RAC3: variants seen among roughly 807,000 people sequenced by gnomAD.
RAC3 encodes the protein Rac family small GTPase 3.
In RAC3, 9 loss-of-function variants were observed where a neutral mutation model predicts 19.0. The ratio of observed to expected loss-of-function variants is 0.47; its 90% CI spans 0.29 to 0.83. The LOEUF (loss-of-function observed/expected upper bound fraction) is 0.83, where lower values mean the gene tolerates loss of function less well. Among genes scored for constraint, RAC3 ranks in the 40% least tolerant of loss-of-function variants. The pLI is 0.09. For missense variants in RAC3, 203 were observed against 260.8 expected (o/e 0.78, Z 1.53); for synonymous variants, 146 against 111.8 (o/e 1.31, Z -1.93).
chr17:82,032,738 G>A lies in RAC3; in HGVS notation c.135G>A (p.Met45Ile), dbSNP rs751918718. The change falls in exon 3 of 6, where the codon ATG becomes ATA. Residue 45 changes from methionine (M) to isoleucine (I), a missense_variant. By Grantham distance (10) the Met-to-Ile change is conservative. Transcript: ENST00000306897. ...TTGACAACTACTCTGCCAACGTGAT[G>A]GTGGACGGGAAACCAGTCAACTTGG... ...TVFDNYSANV[M>I]VDGKPVNLGL... 6.2e-7 allele frequency: 1 copy of A among 1,612,992 alleles called. No individual in the cohort carries two copies. The highest frequency in any genetic ancestry group is 1.3e-5 in the African/African-American group (1 of 74,942).
rs1020588738 is a variant in RAC3 at position 82,033,045 on chromosome 17, C to T, written c.288+36C>T. 1 of 1,583,780 alleles carries T rather than the reference C, an allele frequency of 6.3e-7. No homozygotes were observed. The highest frequency in any genetic ancestry group is 8.7e-7 in the Non-Finnish European group (1 of 1,154,512). On this transcript the variant is annotated intron_variant, in intron 4 of 5. Coordinates refer to ENST00000306897, the MANE Select transcript of RAC3 (RefSeq NM_005052.3). This position sits in a 1 kb window ranked among gnomAD's most constrained non-coding sequence, Gnocchi z 6.2. ...GCTGGGGGCCCCTGTGGGGAGAGGG[C>T]TTGCCCCAGTACCTGCCCCGACAAG...
Position 82,033,047 on chromosome 17 carries a change from TG to T in RAC3, c.288+39del. On this transcript the variant is annotated intron_variant, in intron 4 of 5. Coordinates refer to ENST00000306897, the MANE Select transcript of RAC3 (RefSeq NM_005052.3). The surrounding 1 kb of genome is among the most constrained non-coding windows in gnomAD (Gnocchi z 6.2). ...TGGGGGCCCCTGTGGGGAGAGGGCT[TG>T]CCCCAGTACCTGCCCCGACAAGTTG... 6.3e-7 allele frequency: 1 copy of T among 1,578,568 alleles called. No individual in the cohort carries two copies. Among genetic ancestry groups the T allele is most frequent in the Non-Finnish European group, 8.7e-7 (1 of 1,149,830 alleles).
At chr17:82,032,116 A>T in intron 1 of RAC3, 1 of 513,218 alleles carries the variant, frequency 1.9e-6, no homozygotes, top group East Asian at 3.4e-5. Context: ...AGCCGGCCCC[A>T]CCCTCTCCTG....
intron 2 of RAC3, 92 bp from the exon 3 acceptor site, chr17:82,032,619 T>C: frequency 2.7e-6 from 4 of 1,454,752 alleles, no homozygotes; most frequent in Non-Finnish European, 3.8e-6. Context: ...TCTAGTTCTG[T>C]GCAGACTTGT....
In RAC3 at chr17:82,033,289, C is replaced by G. The variant is rs550894137; in HGVS notation, c.289-151C>G. 5.8e-4 allele frequency: 589 copies of G among 1,017,026 alleles called. No homozygotes were observed. The highest frequency in any genetic ancestry group is 1.8e-3 in the South Asian group (107 of 58,820). The allele number at this position is 1,017,026 out of a possible 1,614,324, so 63.0% of individuals were successfully genotyped here. On this transcript the variant is annotated intron_variant, in intron 4 of 5. Transcript: ENST00000306897. This position sits in a 1 kb window ranked among gnomAD's most constrained non-coding sequence, Gnocchi z 6.2. ...CTGCGTGTTTGTTCCTGGTATCTCC[C>G]CACCAAATCCGCCCCTGGTCACCCC...
Position 82,033,944 on chromosome 17 carries a change from C to CG in RAC3, c.*121dup. 1 of 808,624 alleles carries CG rather than the reference C, an allele frequency of 1.2e-6. No individual in the cohort carries two copies. Among genetic ancestry groups the CG allele is most frequent in the East Asian group, 4.2e-5 (1 of 23,652 alleles). The allele number at this position is 808,624 out of a possible 1,614,324, so 50.1% of individuals were successfully genotyped here. A position where few individuals can be genotyped will look rare whatever the true frequency, so the allele number is the denominator to read the frequency against. On this transcript the variant is annotated 3_prime_UTR_variant, in exon 6 of 6. Coordinates refer to ENST00000306897, the MANE Select transcript of RAC3 (RefSeq NM_005052.3). The surrounding 1 kb of genome is among the most constrained non-coding windows in gnomAD (Gnocchi z 6.2). ...GCTGTGGGGAGCGGTGGGGGTGGGCCGGGGGGAAGCATGGGGATGAGGCTG... is the reference window on the plus strand; with the variant it reads ...GCTGTGGGGAGCGGTGGGGGTGGGCCGGGGGGGAAGCATGGGGATGAGGCTG...
At chr17:82,031,839 A>C in intron 1 of RAC3, 43 bp downstream of exon 1, 5 of 105,680 alleles carry the variant, frequency 4.7e-5, no homozygotes, top group Non-Finnish European at 8.7e-5. Flanking sequence ...GCTGGGCGGG[A>C]GGGGGGCTCG....
intron 1 of RAC3, 46 bp downstream of exon 1, chr17:82,031,842 G>A: frequency 1.1e-6 from 1 of 890,500 alleles, no homozygotes; most frequent in Non-Finnish European, 1.3e-6. Flanking sequence ...GGGCGGGAGG[G>A]GGGCTCGGGG....
chr17:82,031,737 GCC>G lies in RAC3; in HGVS notation c.-23_-22del. On this transcript the variant is annotated 5_prime_UTR_variant, in exon 1 of 6. Transcript: ENST00000306897. ...TCTCCGCAGCTCGGCTCGCGGCCGCGCCCGCCGCCGCCCGGCCCGCGCCCATG... is the reference window on the plus strand; with the variant it reads ...TCTCCGCAGCTCGGCTCGCGGCCGCGCGCCGCCGCCCGGCCCGCGCCCATG... The G allele has an allele frequency of 1.0e-6, 1 of 988,814 alleles. No homozygotes were observed. Among genetic ancestry groups the G allele is most frequent in the Non-Finnish European group, 1.2e-6 (1 of 834,246 alleles). 61.3% of individuals were successfully genotyped at this position (988,814 alleles called of 1,614,324 possible).
At chr17:82,032,314 A>C in intron 1 of RAC3, 73 bp from the exon 2 acceptor site, 1 of 1,476,260 alleles carries the variant, frequency 6.8e-7, no homozygotes, top group Non-Finnish European at 9.4e-7. Context: ...TGGCTCCGGG[A>C]GAGGGGGCTG....
In RAC3 at chr17:82,033,126, G is replaced by A; in HGVS notation, c.288+117G>A. ...TCTGCCTGGGGTAGGCACACGGAGT[G>A]GGGTCTGAAGATGACCATGGGGGCT... On this transcript the variant is annotated intron_variant, in intron 4 of 5. Coordinates refer to ENST00000306897, the MANE Select transcript of RAC3 (RefSeq NM_005052.3). This position sits in a 1 kb window ranked among gnomAD's most constrained non-coding sequence, Gnocchi z 6.2. 2.5e-6 allele frequency: 3 copies of A among 1,181,344 alleles called. No individual in the cohort carries two copies. Among genetic ancestry groups the A allele is most frequent in the Non-Finnish European group, 3.7e-6 (3 of 813,362 alleles). 73.2% of individuals were successfully genotyped at this position (1,181,344 alleles called of 1,614,324 possible). A position where few individuals can be genotyped will look rare whatever the true frequency, so the allele number is the denominator to read the frequency against.
chr17:82,033,416 G>C lies in RAC3; in HGVS notation c.289-24G>C, dbSNP rs752720810. On this transcript the variant is annotated intron_variant, in intron 4 of 5. Transcript: ENST00000306897. This position sits in a 1 kb window ranked among gnomAD's most constrained non-coding sequence, Gnocchi z 6.2. Reference sequence around the variant, plus strand: ...CTGGGGTAGCCGACTCCGGGCCTAGGGATCAGAGCGTCTGTCCCTGCAGTG... The same window carrying C: ...CTGGGGTAGCCGACTCCGGGCCTAGCGATCAGAGCGTCTGTCCCTGCAGTG... The C allele has an allele frequency of 6.4e-7, 1 of 1,563,196 alleles. No homozygotes were observed. The highest frequency in any genetic ancestry group is 1.9e-5 in the Admixed American group (1 of 53,312).
In RAC3 at chr17:82,033,057, C is replaced by T; in HGVS notation, c.288+48C>T. 2 of 1,552,488 alleles carry T rather than the reference C, an allele frequency of 1.3e-6. No individual in the cohort carries two copies. The highest frequency in any genetic ancestry group is 1.4e-5 in the African/African-American group (1 of 73,606). ...TGTGGGGAGAGGGCTTGCCCCAGTACCTGCCCCGACAAGTTGTCCTTTAGA... is the reference window on the plus strand; with the variant it reads ...TGTGGGGAGAGGGCTTGCCCCAGTATCTGCCCCGACAAGTTGTCCTTTAGA... On this transcript the variant is annotated intron_variant, in intron 4 of 5. Transcript: ENST00000306897. This position sits in a 1 kb window ranked among gnomAD's most constrained non-coding sequence, Gnocchi z 6.2.
At chr17:82,032,901 C>G (rs951720418) in intron 3 of RAC3, 46 bp from the exon 4 acceptor site, 2 of 1,610,256 alleles carry the variant, frequency 1.2e-6, no homozygotes, top group Non-Finnish European at 1.7e-6. Context: ...GAGCAGGGCC[C>G]TGGGGAGCCC....
In RAC3 at chr17:82,033,541, G is replaced by C. The variant is rs2043454075; in HGVS notation, c.390G>C (p.Arg130=). The C allele has an allele frequency of 1.2e-6, 2 of 1,612,878 alleles. No individual in the cohort carries two copies. The highest frequency in any genetic ancestry group is 1.7e-6 in the Non-Finnish European group (2 of 1,179,786). ...RDDKDTIERL[R]DKKLAPITYP... The stretch of plus-strand genomic sequence containing the variant: ...ACAAGGACACCATTGAGCGGCTGCG[G>C]GACAAGAAGCTGGCACCCATCACCT... The change falls in exon 5 of 6, where the codon CGG becomes CGC. Residue 130 remains arginine (R), a synonymous_variant. Transcript: ENST00000306897. This position sits in a 1 kb window ranked among gnomAD's most constrained non-coding sequence, Gnocchi z 6.2.
Position 82,033,890 on chromosome 17 carries a change from GTGT to G in RAC3, c.*64_*66del, listed in dbSNP as rs984365080. 3.9e-5 allele frequency: 60 copies of G among 1,520,436 alleles called. 1 individual carries two copies. In the African/African-American group the frequency reaches 7.6e-4, roughly 19 times the overall value. The allele number at this position is 1,520,436 out of a possible 1,614,324, so 94.2% of individuals were successfully genotyped here. On this transcript the variant is annotated 3_prime_UTR_variant, in exon 6 of 6. Transcript: ENST00000306897. This position sits in a 1 kb window ranked among gnomAD's most constrained non-coding sequence, Gnocchi z 6.2. ...AGCAGCCCTGGACGTGTCCGCTGTT[GTGT>G]TGAGACGTGTGGTGTCCCTGAGTCG...
chr17:82,033,559 C>T lies in RAC3; in HGVS notation c.408C>T (p.Pro136=). 2 of 1,612,668 alleles carry T rather than the reference C, an allele frequency of 1.2e-6. No homozygotes were observed. The highest frequency in any genetic ancestry group is 1.7e-6 in the Non-Finnish European group (2 of 1,179,672). Residue 136 remains proline (P), a synonymous_variant, in exon 5 of 6, where the codon CCC becomes CCT. Transcript: ENST00000306897. This position sits in a 1 kb window ranked among gnomAD's most constrained non-coding sequence, Gnocchi z 6.2. ...IERLRDKKLA[P]ITYPQGLAMA... is the part of the protein sequence containing the mutation. ...GGCTGCGGGACAAGAAGCTGGCACC[C>T]ATCACCTACCCACAGGGCCTGGCCA... is the stretch of plus-strand genomic sequence containing the variant.
In RAC3 at chr17:82,032,839, A is replaced by G. The variant is rs767818813; in HGVS notation, c.225+11A>G. 6.2e-7 allele frequency: 1 copy of G among 1,611,844 alleles called. No individual in the cohort carries two copies. Among genetic ancestry groups the G allele is most frequent in the Non-Finnish European group, 8.5e-7 (1 of 1,178,916 alleles). On this transcript the variant is annotated intron_variant, in intron 3 of 5. Transcript: ENST00000306897. Reference sequence around the variant, plus strand: ...TCCTACCCCCAAACTGTACGTAACAATGGGGCCAGCCCCGGGAGCTGGGGG... The same window carrying G: ...TCCTACCCCCAAACTGTACGTAACAGTGGGGCCAGCCCCGGGAGCTGGGGG...
intron 1 of RAC3, 65 bp from the exon 2 acceptor site, chr17:82,032,322 C>A: frequency 6.5e-7 from 1 of 1,527,026 alleles, no homozygotes; most frequent in Non-Finnish European, 9.0e-7. Flanking sequence ...GGAGAGGGGG[C>A]TGCCCTTGCT....
Sources: allele counts gnomAD v4.1 joint callset, GRCh38; gene constraint gnomAD v4.1.1; non-coding constraint Gnocchi (gnomAD v3.1); transcripts MANE v1.5; gene names NCBI Gene and HGNC (gene_info 2026-07-23, HGNC 2026-07-21).